The following COL25A1 variants were observed in gnomAD, a reference collection of about 807,000 sequenced individuals.
COL25A1 encodes the protein collagen alpha-1(XXV) chain.
A neutral mutation model predicts 128.4 loss-of-function variants in COL25A1; 103 were observed. That is an observed-to-expected ratio of 0.80 (90% CI 0.68 to 0.94). COL25A1 has a LOEUF of 0.94. COL25A1 is among the 40% of genes least tolerant of loss of function. The pLI is 0.00. For synonymous variants in COL25A1, 279 were observed against 277.2 expected, an observed-to-expected ratio of 1.01 and a Z score of -0.06; for missense variants, 745 against 840.0, an observed-to-expected ratio of 0.89 and a Z score of 1.40.
At chr4:108,830,766 C>A (rs2125726598) in intron 32 of COL25A1, among the ~76,000 whole-genome samples, 1 of 152,396 alleles carries the variant, frequency 6.6e-6, no homozygotes, top group East Asian at 1.9e-4. Flanking sequence ...TGATTTACCA[C>A]ACGGTAAACC....
At chr4:109,271,339 TCAC>T (rs1275882361) in intron 3 of COL25A1, among the ~76,000 whole-genome samples, 1 of 152,216 alleles carries the variant, frequency 6.6e-6, no homozygotes, top group Non-Finnish European at 1.5e-5. Flanking sequence ...AAATTCTACT[TCAC>T]CTAGCTGAAA....
chr4:108,945,620 T>C (rs1027168299), intron 8 of COL25A1, among the ~76,000 whole-genome samples: 5 of 152,200 alleles, frequency 3.3e-5, no homozygotes, highest in Non-Finnish European at 5.9e-5. Context: ...CAGAAAAATA[T>C]GGAGAAAACA....
intron 3 of COL25A1, among the ~76,000 whole-genome samples, chr4:109,103,741 C>G (rs918319153): frequency 6.6e-6 from 1 of 152,114 alleles, no homozygotes; most frequent in Non-Finnish European, 1.5e-5. Context: ...CTATCACAAC[C>G]ACTAGCGTTC....
In COL25A1 at chr4:108,809,204, C is replaced by G. The variant is rs561267505; in HGVS notation, c.*4723G>C. 1.3e-3 allele frequency: 192 copies of G among 151,832 alleles called. No individual in the cohort carries two copies. Among genetic ancestry groups the G allele is most frequent in the African/African-American group, 4.4e-3 (184 of 41,368 alleles). The allele number at this position is 151,832 out of a possible 1,614,324, so 9.4% of individuals were successfully genotyped here. On this transcript the variant is annotated 3_prime_UTR_variant, in exon 38 of 38. Coordinates refer to ENST00000399132, the MANE Select transcript of COL25A1 (RefSeq NM_198721.4). ...CCAAAATATTTTTTTTTGCATATTT[C>G]ACTTATTTTGTATTTATGTGAGTTT...
chr4:108,834,333 G>A (rs1733522902), intron 31 of COL25A1: 1 of 1,549,996 alleles, frequency 6.5e-7, no homozygotes, highest in Non-Finnish European at 8.7e-7. Context: ...ACATGTCAGA[G>A]CAAGACAAGG....
intron 3 of COL25A1, among the ~76,000 whole-genome samples, chr4:109,218,171 T>C (rs1163881270): frequency 6.6e-6 from 1 of 152,180 alleles, no homozygotes; most frequent in Non-Finnish European, 1.5e-5. Context: ...CAGTTGCCAG[T>C]AATGGCGAAA....
intron 3 of COL25A1, among the ~76,000 whole-genome samples, chr4:109,259,925 T>C (rs1312423500): frequency 2.0e-5 from 3 of 152,216 alleles, no homozygotes; most frequent in Non-Finnish European, 4.4e-5. Context: ...CATCCATGCA[T>C]TGCATGCTTT....
intron 5 of COL25A1, among the ~76,000 whole-genome samples, chr4:109,041,406 G>A (rs1232830773): frequency 6.6e-6 from 1 of 151,298 alleles, no homozygotes; most frequent in East Asian, 1.9e-4. Flanking sequence ...TTTTTGTTCT[G>A]TTCTAGGTTT....
At chr4:109,225,112 A>C (rs1778714481) in intron 3 of COL25A1, among the ~76,000 whole-genome samples, 1 of 152,146 alleles carries the variant, frequency 6.6e-6, no homozygotes, top group East Asian at 1.9e-4. Context: ...GAAACAGAGC[A>C]CTCAGCTCTC....
intron 16 of COL25A1, among the ~76,000 whole-genome samples, chr4:108,895,028 G>A (rs1021326884): frequency 3.9e-5 from 6 of 152,054 alleles, no homozygotes; most frequent in Admixed American, 1.3e-4. Context: ...TGAGGGCCCC[G>A]TAACAGAGAA....
intron 3 of COL25A1, among the ~76,000 whole-genome samples, chr4:109,130,023 A>T (rs964863577): frequency 8.6e-5 from 13 of 152,010 alleles, no homozygotes; most frequent in African/African-American, 3.1e-4. Flanking sequence ...AAAAAAGAAT[A>T]AAAGAATTGT....
chr4:109,275,294 A>G (rs1008134679), intron 3 of COL25A1, among the ~76,000 whole-genome samples: 2 of 148,342 alleles, frequency 1.3e-5, no homozygotes, highest in Admixed American at 1.4e-4. Flanking sequence ...CTGAAAAAGG[A>G]CCCCCTGTGA....
chr4:109,034,075 G>T (rs1156921179), intron 5 of COL25A1, among the ~76,000 whole-genome samples: 1 of 152,112 alleles, frequency 6.6e-6, no homozygotes, highest in Non-Finnish European at 1.5e-5. Context: ...TCCCTTGATA[G>T]TGCTATTCCA....
At chr4:109,195,145 T>C (rs1459982050) in intron 3 of COL25A1, among the ~76,000 whole-genome samples, 1 of 152,012 alleles carries the variant, frequency 6.6e-6, no homozygotes, top group African/African-American at 2.4e-5. Context: ...ACAAAAACAA[T>C]TGATGTGCAC....
intron 3 of COL25A1, among the ~76,000 whole-genome samples, chr4:109,214,757 G>C (rs1412319432): frequency 6.6e-6 from 1 of 152,056 alleles, no homozygotes; most frequent in Non-Finnish European, 1.5e-5. Context: ...GATCAGAACT[G>C]GTGATGTTAG....
intron 3 of COL25A1, among the ~76,000 whole-genome samples, chr4:109,160,734 G>T (rs953758339): frequency 4.6e-5 from 7 of 152,122 alleles, no homozygotes; most frequent in African/African-American, 1.7e-4. Context: ...CCCAAGGGAT[G>T]GCCAGTGACC....
intron 8 of COL25A1, among the ~76,000 whole-genome samples, chr4:108,942,727 G>C (rs1239415199): frequency 6.7e-6 from 1 of 149,690 alleles, no homozygotes; most frequent in Non-Finnish European, 1.5e-5. Context: ...TGGGATTACA[G>C]GCATGAGCCA....
Position 109,145,212 on chromosome 4 carries a change from C to T in COL25A1, c.368-95033G>A, listed in dbSNP as rs187755495. Among the ~76,000 whole-genome samples, 60 of 151,984 alleles carry T rather than the reference C, an allele frequency of 3.9e-4. No individual in the cohort carries two copies. In the East Asian group the frequency reaches 8.2e-3, roughly 21 times the overall value. On this transcript the variant is annotated intron_variant, in intron 3 of 37. Coordinates refer to ENST00000399132, the MANE Select transcript of COL25A1 (RefSeq NM_198721.4). ...CCTCCCGAGTAGCTGGGACTACAGG[C>T]GCCCGCCACCAAGCCCAGCTAATTT...
intron 19 of COL25A1, among the ~76,000 whole-genome samples, chr4:108,871,232 C>A (rs776113561): frequency 6.6e-6 from 1 of 152,068 alleles, no homozygotes; most frequent in Non-Finnish European, 1.5e-5. Flanking sequence ...ACAGAAAATT[C>A]AGGGGAAAAT....
Sources: allele counts gnomAD v4.1 joint callset (sites outside exome capture counted in the v4.1 genomes callset), GRCh38; gene constraint gnomAD v4.1.1; transcripts MANE v1.5; gene names NCBI Gene and HGNC (gene_info 2026-07-23, HGNC 2026-07-21).